IQANK1: variants seen among roughly 807,000 people sequenced by gnomAD.
IQANK1 encodes IQ motif and ankyrin repeat domain-containing protein 1.
In IQANK1, 30 loss-of-function variants were observed where a neutral mutation model predicts 22.6. The observed-to-expected ratio is 1.33, with a 90% CI of 0.99 to 1.80. The LOEUF (loss-of-function observed/expected upper bound fraction) is 1.80. Ranked by LOEUF, IQANK1 falls within the 40% of genes most tolerant of loss-of-function variation. The probability of loss-of-function intolerance (pLI) is 0.00; values close to 1 mark genes in which losing one functional copy is unlikely to be tolerated. For missense variants in IQANK1, 275 were observed against 235.2 expected (o/e 1.17, Z -1.11); for synonymous variants, 122 against 99.6 (o/e 1.23, Z -1.34).
chr8:143,745,589 A>T (rs1554627129), intron 3 of IQANK1: 3 of 151,784 alleles, frequency 2.0e-5, no homozygotes, highest in African/African-American at 7.3e-5. Context: ...TGCCCAGCTA[A>T]TTTTTGTATT....
intron 3 of IQANK1, among the ~76,000 whole-genome samples, chr8:143,768,587 C>T (rs1819520398): frequency 6.6e-6 from 1 of 151,946 alleles, no homozygotes; most frequent in African/African-American, 2.4e-5. Context: ...TTCCCTGCCC[C>T]CTCCTACACC....
chr8:143,769,741 T>A (rs1819539000), intron 3 of IQANK1, among the ~76,000 whole-genome samples: 1 of 152,204 alleles, frequency 6.6e-6, no homozygotes, highest in African/African-American at 2.4e-5. Flanking sequence ...ATTTCCTCAG[T>A]AGCTTTGAAT....
intron 3 of IQANK1, among the ~76,000 whole-genome samples, chr8:143,760,904 C>T (rs115489410): frequency 6.6e-6 from 1 of 152,122 alleles, no homozygotes; most frequent in African/African-American, 2.4e-5. Flanking sequence ...CCGGGAGAGG[C>T]GGGGCGCGGC....
chr8:143,743,782 G>A (rs1392171306), intron 3 of IQANK1: 1 of 381,948 alleles, frequency 2.6e-6, no homozygotes, highest in African/African-American at 2.2e-5. Context: ...AGATAAGTGA[G>A]ATCAGAAACA....
intron 3 of IQANK1, among the ~76,000 whole-genome samples, chr8:143,769,624 T>G (rs1819537330): frequency 6.6e-6 from 1 of 152,230 alleles, no homozygotes; most frequent in East Asian, 1.9e-4. Flanking sequence ...GTCTGTCCCT[T>G]GGCCCGTCCT....
At chr8:143,738,720 C>T (rs1818811605) in intron 2 of IQANK1, among the ~76,000 whole-genome samples, 1 of 152,160 alleles carries the variant, frequency 6.6e-6, no homozygotes, top group South Asian at 2.1e-4. Context: ...TCCCGGCTCC[C>T]CCGGTCCCAC....
chr8:143,736,016 A>G (rs1377332877), intron 2 of IQANK1, 78 bp downstream of exon 2: 4 of 691,788 alleles, frequency 5.8e-6, no homozygotes, highest in Non-Finnish European at 1.1e-5. Flanking sequence ...CCACCGAGAG[A>G]CACCCCCTCT....
intron 3 of IQANK1, among the ~76,000 whole-genome samples, chr8:143,743,310 T>C (rs1446822044): frequency 1.3e-5 from 2 of 152,178 alleles, no homozygotes; most frequent in African/African-American, 2.4e-5. Flanking sequence ...TAACCCTAGC[T>C]CACTGCAACC....
At chr8:143,786,885 A>G (rs1490403986) in intron 7 of IQANK1, among the ~76,000 whole-genome samples, 3 of 152,132 alleles carry the variant, frequency 2.0e-5, no homozygotes, top group African/African-American at 7.2e-5. Flanking sequence ...GGGACAAGGA[A>G]GGAGCCCCTG....
At chr8:143,773,053 C>T (rs1461297172) in intron 7 of IQANK1, among the ~76,000 whole-genome samples, 1 of 152,224 alleles carries the variant, frequency 6.6e-6, no homozygotes, top group Non-Finnish European at 1.5e-5. Context: ...CACCTGTAAT[C>T]TCAGCACTTT....
At chr8:143,752,996 GTTTT>G (rs34993930) in intron 3 of IQANK1, among the ~76,000 whole-genome samples, 2 of 69,938 alleles carry the variant, frequency 2.9e-5, no homozygotes, top group African/African-American at 1.2e-4. Context: ...CTCTCTGTTC[GTTTT>G]TTTTTTTTTT....
intron 3 of IQANK1, among the ~76,000 whole-genome samples, chr8:143,757,916 C>G (rs1341581099): frequency 2.6e-5 from 4 of 152,142 alleles, no homozygotes; most frequent in Admixed American, 2.6e-4. Flanking sequence ...ATGAAAATGT[C>G]ATTTCTTACT....
chr8:143,741,925 C>G (rs2129782357), intron 3 of IQANK1: 1 of 212,070 alleles, frequency 4.7e-6, no homozygotes, highest in East Asian at 1.1e-4. Flanking sequence ...GGGACCTGCT[C>G]TAGATCCATC....
At chr8:143,786,671 TC>T (rs1454154668) in intron 7 of IQANK1, among the ~76,000 whole-genome samples, 80 of 152,066 alleles carry the variant, frequency 5.3e-4, no homozygotes, top group African/African-American at 1.9e-3. Flanking sequence ...CAAAACAAAG[TC>T]CCTTCTGTCA....
intron 7 of IQANK1, among the ~76,000 whole-genome samples, chr8:143,787,383 T>A (rs1563782095): frequency 6.6e-6 from 1 of 152,100 alleles, no homozygotes; most frequent in Non-Finnish European, 1.5e-5. Context: ...TGTCTGCATG[T>A]CCCTGGCCCC....
At chr8:143,770,952 C>G (rs1235806270) in intron 3 of IQANK1, among the ~76,000 whole-genome samples, 2 of 152,228 alleles carry the variant, frequency 1.3e-5, no homozygotes, top group Non-Finnish European at 2.9e-5. Context: ...GCTCCAGGCT[C>G]GGGCTCAGCG....
At chr8:143,749,619 G>A (rs1230316069) in intron 3 of IQANK1, among the ~76,000 whole-genome samples, 7 of 133,852 alleles carry the variant, frequency 5.2e-5, no homozygotes, top group African/African-American at 1.9e-4. Flanking sequence ...TTTTTGAGAC[G>A]GAATCTCACT....
chr8:143,749,606 T>TAC (rs1819149658), intron 3 of IQANK1, among the ~76,000 whole-genome samples: 1 of 145,446 alleles, frequency 6.9e-6, no homozygotes, highest in African/African-American at 2.5e-5. Context: ...TTTATTTTTT[T>TAC]TTTTTTTGAG....
intron 7 of IQANK1, among the ~76,000 whole-genome samples, chr8:143,783,078 G>C (rs1368575436): frequency 6.6e-6 from 1 of 152,100 alleles, no homozygotes; most frequent in East Asian, 1.9e-4. Context: ...CCATTTTACT[G>C]CTGATGAACG....
Sources: allele counts gnomAD v4.1 joint callset (sites outside exome capture counted in the v4.1 genomes callset), GRCh38; gene constraint gnomAD v4.1.1; transcripts MANE v1.5; gene names NCBI Gene and HGNC (gene_info 2026-07-23, HGNC 2026-07-21).